Variants in PUM1 observed in about 807,000 individuals in gnomAD.
The protein encoded by PUM1 is pumilio RNA binding family member 1, also known as pumilio homolog 1.
Under a neutral mutation model 131.8 loss-of-function variants are expected in PUM1, and 13 were observed. The observed-to-expected ratio is 0.10, with a 90% CI of 0.06 to 0.16. PUM1 has a LOEUF of 0.16. Among genes scored for constraint, PUM1 ranks in the 10% least tolerant of loss-of-function variants. PUM1 has a pLI of 1.00. For missense variants in PUM1, 961 were observed against 1,512.4 expected, an observed-to-expected ratio of 0.64 and a Z score of 6.05; for synonymous variants, 509 against 556.5, an observed-to-expected ratio of 0.91 and a Z score of 1.20.
chr1:30,955,169 T>C (rs758256491), intron 14 of PUM1, among the ~76,000 whole-genome samples: 2 of 151,166 alleles, frequency 1.3e-5, no homozygotes, highest in Non-Finnish European at 2.9e-5. Flanking sequence ...AATAACAAAA[T>C]AACAGGCCAG....
At chr1:31,041,073 CGGCAGAAACAGGA>C (rs1027409172) in intron 2 of PUM1, among the ~76,000 whole-genome samples, 10 of 151,998 alleles carry the variant, frequency 6.6e-5, no homozygotes, top group Admixed American at 5.9e-4. Context: ...GAACTATTGT[CGGCAGAAACAGGA>C]GGCAGAAATC....
chr1:31,048,106 G>A (rs1278944787), intron 2 of PUM1, among the ~76,000 whole-genome samples: 1 of 151,780 alleles, frequency 6.6e-6, no homozygotes, highest in Non-Finnish European at 1.5e-5. Context: ...GGGCTTGGTG[G>A]CGGGCGCCTA....
At chr1:31,060,138 G>A (rs1288757198) in intron 1 of PUM1, among the ~76,000 whole-genome samples, 3 of 144,182 alleles carry the variant, frequency 2.1e-5, no homozygotes, top group South Asian at 2.5e-4. Context: ...GTGAGCCACC[G>A]CGCCCAGCCC....
At chr1:31,057,859 G>C (rs778414154) in intron 2 of PUM1, among the ~76,000 whole-genome samples, 15 of 151,696 alleles carry the variant, frequency 9.9e-5, no homozygotes, top group Admixed American at 4.6e-4. Flanking sequence ...GAAGCCTAAT[G>C]AAAAATGTCA....
At chr1:30,941,101 C>T in intron 20 of PUM1, 50 bp downstream of exon 20, 1 of 1,559,722 alleles carries the variant, frequency 6.4e-7, no homozygotes. Context: ...TAGTTCAATA[C>T]TACTAATCCT....
chr1:31,065,576 C>G, intron 1 of PUM1, 40 bp downstream of exon 1: 1 of 1,536,800 alleles, frequency 6.5e-7, no homozygotes, highest in East Asian at 2.5e-5. Context: ...CGTTAGGGGT[C>G]CGGAGCAGCG....
intron 2 of PUM1, among the ~76,000 whole-genome samples, chr1:31,041,981 T>C (rs61780502): frequency 0.072 from 11,024 of 152,138 alleles, 663 homozygotes; most frequent in East Asian, 0.29. Context: ...TTATTAATTC[T>C]AGATACAGAA....
intron 3 of PUM1, among the ~76,000 whole-genome samples, chr1:31,008,232 T>C (rs867272123): frequency 2.6e-5 from 4 of 152,188 alleles, no homozygotes; most frequent in Non-Finnish European, 5.9e-5. Flanking sequence ...AATAAATCTC[T>C]GCTTCCCAAA....
intron 15 of PUM1, among the ~76,000 whole-genome samples, 161 bp from the exon 16 acceptor site, chr1:30,952,524 T>C (rs921993965): frequency 3.3e-5 from 5 of 152,130 alleles, no homozygotes; most frequent in South Asian, 2.1e-4. Flanking sequence ...AATGAATCAC[T>C]TGAACTCCCT....
At chr1:30,986,905 C>T (rs1324521881) in intron 7 of PUM1, among the ~76,000 whole-genome samples, 2 of 152,204 alleles carry the variant, frequency 1.3e-5, no homozygotes, top group East Asian at 3.8e-4. Flanking sequence ...TTTAATCACA[C>T]TGCCACACTT....
At chr1:31,018,123 G>A (rs1356369225) in intron 3 of PUM1, among the ~76,000 whole-genome samples, 1 of 150,832 alleles carries the variant, frequency 6.6e-6, no homozygotes, top group African/African-American at 2.4e-5. Flanking sequence ...GGCCGAGGTG[G>A]TGGATCACCT....
At chr1:31,055,684 T>C (rs1644220352) in intron 2 of PUM1, among the ~76,000 whole-genome samples, 1 of 152,216 alleles carries the variant, frequency 6.6e-6, no homozygotes. Flanking sequence ...CTAACTGACC[T>C]GGATAAAACT....
At position 31,032,574 on chromosome 1, in the gene PUM1, A is replaced by T. The variant is rs866690967; in HGVS notation, c.364-3710T>A. ...TGCAGTGGCGTGATCTTTTTTTTAA[A>T]AAAAAAAAAAAAGGTTTTTAATCAA... On this transcript the variant is annotated intron_variant, in intron 2 of 21. Coordinates refer to ENST00000426105, the MANE Select transcript of PUM1 (RefSeq NM_001020658.2). Among the ~76,000 whole-genome samples the T allele has an allele frequency of 2.0e-3, 230 of 117,798 alleles. 1 individual carries two copies. The highest frequency in any genetic ancestry group is 5.0e-3 in the South Asian group (19 of 3,766). 77.3% of individuals were successfully genotyped at this position (117,798 alleles called of 152,430 possible). A position where few individuals can be genotyped will look rare whatever the true frequency, so the allele number is the denominator to read the frequency against.
intron 2 of PUM1, among the ~76,000 whole-genome samples, chr1:31,054,538 A>G (rs932923693): frequency 2.5e-5 from 2 of 80,506 alleles, no homozygotes; most frequent in African/African-American, 1.9e-4. Context: ...GGGCCACTAA[A>G]AAAAAAAAAA....
intron 1 of PUM1, among the ~76,000 whole-genome samples, chr1:31,063,328 T>G (rs997923607): frequency 2.0e-5 from 3 of 152,138 alleles, no homozygotes; most frequent in African/African-American, 7.2e-5. Context: ...AATATAAAAG[T>G]TTTTGGTAAA....
chr1:31,061,081 T>C (rs1180879755), intron 1 of PUM1, among the ~76,000 whole-genome samples: 1 of 152,150 alleles, frequency 6.6e-6, no homozygotes, highest in Non-Finnish European at 1.5e-5. Context: ...CTATTAACTG[T>C]AATCACATTA....
Position 31,059,384 on chromosome 1 carries a change from G to A in PUM1, c.183C>T (p.His61=). 6.2e-7 allele frequency: 1 copy of A among 1,614,178 alleles called. No homozygotes were observed. Among genetic ancestry groups the A allele is most frequent in the South Asian group, 1.1e-5 (1 of 91,084 alleles). ...CTATAGATCCTGGGACAGGGCTGGA[G>A]TGAGTCCCAGCTGCAAGAGCCTGAT... ...AANQALAAGT[H]SSPVPGSIGV... is the part of the protein sequence containing the mutation. Residue 61 remains histidine, a synonymous_variant, in exon 2 of 22, where the codon CAC becomes CAT. Coordinates refer to ENST00000426105, the MANE Select transcript of PUM1 (RefSeq NM_001020658.2).
chr1:30,936,891 G>A (rs1639233193), intron 20 of PUM1, 56 bp from the exon 21 acceptor site: 2 of 1,445,842 alleles, frequency 1.4e-6, no homozygotes, highest in South Asian at 1.3e-5. Flanking sequence ...TGTTAGTGAG[G>A]CTGTGCTTGC....
chr1:30,981,887 G>C (rs1641371561), intron 7 of PUM1: 1 of 152,138 alleles, frequency 6.6e-6, no homozygotes, highest in African/African-American at 2.4e-5. Context: ...GTGCTTTCAA[G>C]ACCCCACAAA....
Sources: gnomAD v4.1 joint callset for allele counts (sites outside exome capture counted in the v4.1 genomes callset) on GRCh38, gnomAD v4.1.1 for gene constraint, MANE v1.5 for transcripts, NCBI Gene and HGNC (gene_info 2026-07-23, HGNC 2026-07-21) for gene names.